The following PTPRT variants were observed in gnomAD, a reference collection of about 807,000 sequenced individuals.
PTPRT encodes receptor-type tyrosine-protein phosphatase T.
PTPRT carries 56 observed loss-of-function variants against 176.8 expected under a neutral mutation model. The ratio of observed to expected loss-of-function variants is 0.32; its 90% CI spans 0.26 to 0.40. PTPRT has a LOEUF of 0.40. PTPRT is among the 10% of genes least tolerant of loss of function. The pLI is 1.00. For missense variants in PTPRT, 1,540 were observed against 1,908.2 expected (o/e 0.81, Z 3.60); for synonymous variants, 783 against 739.0 (o/e 1.06, Z -0.96).
intron 2 of PTPRT, among the ~76,000 whole-genome samples, chr20:42,861,534 ACT>A (rs1324552558): frequency 6.6e-6 from 1 of 152,214 alleles, no homozygotes; most frequent in African/African-American, 2.4e-5. Flanking sequence ...TGTGCTAGAC[ACT>A]GAGATCAGAA....
chr20:42,921,396 G>T (rs567834656), intron 1 of PTPRT, among the ~76,000 whole-genome samples: 78 of 151,976 alleles, frequency 5.1e-4, no homozygotes, highest in Non-Finnish European at 8.5e-4. Context: ...TAAAAATGTA[G>T]ATCTCAACAT....
rs546268251 is a variant in PTPRT at position 42,825,493 on chromosome 20, G to C, written c.215-34027C>G. 3.9e-5 allele frequency among the ~76,000 whole-genome samples: 6 copies of C among 152,186 alleles called. No homozygotes were observed. In the South Asian group the frequency reaches 8.3e-4, roughly 21 times the overall value. On this transcript the variant is annotated intron_variant, in intron 2 of 30. Coordinates refer to ENST00000373187, the MANE Select transcript of PTPRT (RefSeq NM_007050.6). ...AAAAAGCCATGTAACAGGACTTATAGCTTGCACCTAATTTTGTAAAATATA... is the reference window on the plus strand; with the variant it reads ...AAAAAGCCATGTAACAGGACTTATACCTTGCACCTAATTTTGTAAAATATA...
intron 6 of PTPRT, among the ~76,000 whole-genome samples, chr20:42,690,845 T>C (rs188040393): frequency 1.3e-5 from 2 of 152,300 alleles, no homozygotes; most frequent in Admixed American, 6.5e-5. Context: ...CCATGTAAAA[T>C]CAGGGTCATG....
chr20:42,885,935 G>A lies in PTPRT; in HGVS notation c.89-3C>T. 1 of 1,601,826 alleles carries A rather than the reference G, an allele frequency of 6.2e-7. No individual in the cohort carries two copies. The highest frequency in any genetic ancestry group is 8.5e-7 in the Non-Finnish European group (1 of 1,172,144). On this transcript the variant is annotated splice_region_variant and splice_polypyrimidine_tract_variant and intron_variant, in intron 1 of 30. Transcript: ENST00000373187. Reference sequence around the variant, plus strand: ...GTGCTCATCAAAGGAACAGCCACCTGTAGACAAAAGAGATATGGGTAAATA... The same window carrying A: ...GTGCTCATCAAAGGAACAGCCACCTATAGACAAAAGAGATATGGGTAAATA...
chr20:43,189,494 C>CGGAA lies in PTPRT; in HGVS notation c.88+151_88+152insTTCC. The CGGAA allele has an allele frequency of 2.4e-6, 1 of 410,976 alleles. No individual in the cohort carries two copies. The highest frequency in any genetic ancestry group is 3.9e-6 in the Non-Finnish European group (1 of 256,020). 25.5% of individuals were successfully genotyped at this position (410,976 alleles called of 1,614,324 possible). On this transcript the variant is annotated intron_variant, in intron 1 of 30. Coordinates refer to ENST00000373187, the MANE Select transcript of PTPRT (RefSeq NM_007050.6). The surrounding 1 kb of genome is among the most constrained non-coding windows in gnomAD (Gnocchi z 5.0). ...CGGGGCGCGCGGGGACACTGCTTCC[C>CGGAA]GCGCCTGCAAGCTGAGACCCGGGTT...
chr20:42,920,522 T>C (rs1484242301), intron 1 of PTPRT, among the ~76,000 whole-genome samples: 1 of 152,074 alleles, frequency 6.6e-6, no homozygotes, highest in East Asian at 1.9e-4. Context: ...CAAAATTCAC[T>C]ATGCTGTAGC....
At chr20:42,722,997 G>T (rs893203910) in intron 6 of PTPRT, among the ~76,000 whole-genome samples, 1 of 152,162 alleles carries the variant, frequency 6.6e-6, no homozygotes, top group Non-Finnish European at 1.5e-5. Flanking sequence ...TCCTGCTTCT[G>T]ATACTGAATG....
At chr20:42,236,541 G>C (rs905537804) in intron 14 of PTPRT, among the ~76,000 whole-genome samples, 2 of 151,326 alleles carry the variant, frequency 1.3e-5, no homozygotes, top group Non-Finnish European at 2.9e-5. Context: ...TGTTGTAGTT[G>C]GTTCAAAGTT....
In PTPRT at chr20:42,236,231, G is replaced by A; in HGVS notation, c.2340C>T (p.Tyr780=). 1.2e-6 allele frequency: 2 copies of A among 1,602,180 alleles called. No homozygotes were observed. The highest frequency in any genetic ancestry group is 1.1e-5 in the South Asian group (1 of 90,526). The change falls in exon 15 of 31, where the codon TAC becomes TAT. Residue 780 remains tyrosine, a splice_region_variant and synonymous_variant. Coordinates refer to ENST00000373187, the MANE Select transcript of PTPRT (RefSeq NM_007050.6). ...RRRNAYSYSY[Y]LKLAKKQKET... ...GTTAACACCAGCTCGATACTTACAAGTAATAGGAGTAGGAATAAGCATTTC... is the reference window on the plus strand; with the variant it reads ...GTTAACACCAGCTCGATACTTACAAATAATAGGAGTAGGAATAAGCATTTC...
chr20:42,739,015 C>A (rs2076572410), intron 6 of PTPRT, among the ~76,000 whole-genome samples: 1 of 152,106 alleles, frequency 6.6e-6, no homozygotes, highest in Non-Finnish European at 1.5e-5. Context: ...CTGCAGTGAG[C>A]CATGATTGTG....
chr20:42,103,261 G>T (rs1436423045), intron 25 of PTPRT, among the ~76,000 whole-genome samples: 4 of 152,156 alleles, frequency 2.6e-5, no homozygotes, highest in Admixed American at 2.6e-4. Context: ...GGGCTTCCAG[G>T]TGTGGATCTG....
At chr20:43,016,780 G>T (rs991440991) in intron 1 of PTPRT, among the ~76,000 whole-genome samples, 15 of 151,642 alleles carry the variant, frequency 9.9e-5, no homozygotes, top group Non-Finnish European at 2.1e-4. Context: ...CAAGTGATCC[G>T]CCCACCTCGG....
intron 1 of PTPRT, among the ~76,000 whole-genome samples, chr20:42,992,010 T>C (rs1229823303): frequency 2.0e-5 from 3 of 152,220 alleles, no homozygotes; most frequent in Non-Finnish European, 2.9e-5. Context: ...AACAAAATTC[T>C]TGGTTTTCAG....
intron 15 of PTPRT, among the ~76,000 whole-genome samples, chr20:42,216,037 C>T (rs761704273): frequency 2.0e-5 from 3 of 152,204 alleles, no homozygotes; most frequent in South Asian, 2.1e-4. Context: ...CCCAAGCAAC[C>T]GCTTCCAAGC....
At chr20:42,346,722 G>C (rs866435602) in intron 11 of PTPRT, among the ~76,000 whole-genome samples, 6 of 152,150 alleles carry the variant, frequency 3.9e-5, no homozygotes. Context: ...GGCAAAGCAG[G>C]GGCTAGAGTT....
At chr20:42,468,012 T>C (rs2071128807) in intron 8 of PTPRT, among the ~76,000 whole-genome samples, 2 of 152,224 alleles carry the variant, frequency 1.3e-5, no homozygotes, top group Non-Finnish European at 2.9e-5. Flanking sequence ...TGTGGTTTTG[T>C]CTGAGACATT....
rs564595610 is a variant in PTPRT at position 42,161,505 on chromosome 20, G to A, written c.2529C>T (p.Leu843=). 1.9e-6 allele frequency: 3 copies of A among 1,613,124 alleles called. No individual in the cohort carries two copies. Among genetic ancestry groups the A allele is most frequent in the African/African-American group, 2.7e-5 (2 of 75,020 alleles). ...TGCGGTAGGGATGAGTCTGGATCGT[G>A]AGGGTGGGCTGGGAAAGCTCCCCGC... ...GSRGELSQPT[L]TIQTHPYRTC... Residue 843 remains leucine, a synonymous_variant, in exon 17 of 31, where the codon CTC becomes CTT. Coordinates refer to ENST00000373187, the MANE Select transcript of PTPRT (RefSeq NM_007050.6).
intron 2 of PTPRT, among the ~76,000 whole-genome samples, chr20:42,846,328 C>T (rs958263198): frequency 6.6e-6 from 1 of 151,130 alleles, no homozygotes; most frequent in African/African-American, 2.4e-5. Flanking sequence ...TTGTGGTGAC[C>T]GCCCCCTCTG....
At chr20:42,319,546 G>A (rs1193650716) in intron 11 of PTPRT, among the ~76,000 whole-genome samples, 1 of 152,150 alleles carries the variant, frequency 6.6e-6, no homozygotes, top group African/African-American at 2.4e-5. Context: ...AACCTGCAAT[G>A]CAGCCAGAAA....
Sources: gnomAD v4.1 joint callset for allele counts (sites outside exome capture counted in the v4.1 genomes callset) on GRCh38, gnomAD v4.1.1 for gene constraint, Gnocchi (gnomAD v3.1) non-coding constraint, MANE v1.5 for transcripts, NCBI Gene and HGNC (gene_info 2026-07-23, HGNC 2026-07-21) for gene names.